The following SORCS1 variants were observed in gnomAD, a reference collection of about 807,000 sequenced individuals.
The protein encoded by SORCS1 is sortilin related VPS10 domain containing receptor 1.
Under a neutral mutation model 146.1 loss-of-function variants are expected in SORCS1, and 60 were observed. That is an observed-to-expected ratio of 0.41 (90% CI 0.33 to 0.51). The LOEUF is 0.51. Among genes scored for constraint, SORCS1 ranks in the 20% least tolerant of loss-of-function variants. SORCS1 has a pLI of 0.21. For missense variants in SORCS1, 1,352 were observed against 1,487.6 expected, an observed-to-expected ratio of 0.91 and a Z score of 1.50; for synonymous variants, 637 against 584.0, an observed-to-expected ratio of 1.09 and a Z score of -1.31.
intron 2 of SORCS1, among the ~76,000 whole-genome samples, chr10:106,842,774 C>T (rs981565410): frequency 3.3e-5 from 5 of 151,102 alleles, no homozygotes; most frequent in Admixed American, 6.6e-5. Context: ...TCACCATGCC[C>T]GGCTAATTTT....
intron 1 of SORCS1, among the ~76,000 whole-genome samples, chr10:107,025,412 C>T (rs1031505584): frequency 2.0e-5 from 3 of 152,134 alleles, no homozygotes; most frequent in African/African-American, 4.8e-5. Context: ...ATGGATAGTG[C>T]CTCTCTTTTG....
intron 6 of SORCS1, among the ~76,000 whole-genome samples, chr10:106,711,055 G>A (rs768522729): frequency 6.6e-5 from 10 of 151,982 alleles, no homozygotes; most frequent in African/African-American, 1.2e-4. Flanking sequence ...TTACTGAGCC[G>A]TGCTCCCATT....
At chr10:107,056,308 A>C (rs1302747486) in intron 1 of SORCS1, among the ~76,000 whole-genome samples, 3 of 152,204 alleles carry the variant, frequency 2.0e-5, no homozygotes, top group Non-Finnish European at 4.4e-5. Context: ...CAAGTCATTT[A>C]CTGAACTCTG....
chr10:106,715,385 A>C (rs1855289948), intron 6 of SORCS1, among the ~76,000 whole-genome samples: 1 of 152,222 alleles, frequency 6.6e-6, no homozygotes, highest in Admixed American at 6.5e-5. Flanking sequence ...TGCTTAGAAT[A>C]ATGCAATCCC....
At chr10:106,815,834 G>A (rs1947715096) in intron 3 of SORCS1, among the ~76,000 whole-genome samples, 1 of 152,228 alleles carries the variant, frequency 6.6e-6, no homozygotes, top group East Asian at 1.9e-4. Context: ...GCATGTGGTT[G>A]TTAGCACTAA....
intron 2 of SORCS1, among the ~76,000 whole-genome samples, chr10:106,923,763 A>T (rs932648953): frequency 6.6e-6 from 1 of 152,192 alleles, no homozygotes; most frequent in Non-Finnish European, 1.5e-5. Context: ...TTCTTCGGCC[A>T]GTTATCTGTT....
At chr10:106,879,368 T>C (rs1019071023) in intron 2 of SORCS1, among the ~76,000 whole-genome samples, 3 of 152,204 alleles carry the variant, frequency 2.0e-5, no homozygotes, top group African/African-American at 7.2e-5. Context: ...ATTCAGTTAT[T>C]ATATATTACA....
chr10:106,750,724 C>G (rs1441057576), intron 5 of SORCS1, among the ~76,000 whole-genome samples: 912 of 36,366 alleles, frequency 0.025, no homozygotes, highest in Middle Eastern at 0.08. Context: ...GTGAGACTCC[C>G]TCTCAAAAAA....
At chr10:106,833,460 G>C (rs141839622) in intron 2 of SORCS1, among the ~76,000 whole-genome samples, 252 of 152,276 alleles carry the variant, frequency 1.7e-3, no homozygotes, top group Admixed American at 4.2e-3. Flanking sequence ...GGCGTACATT[G>C]GTATGGTGGT....
At position 107,019,385 on chromosome 10, in the gene SORCS1, C is replaced by G. The variant is rs529005607; in HGVS notation, c.559-62805G>C. ...ACCATGTACTCTGGCTCAGCATAGTCCCTATCATTCATTTTTATTGACAGA... is the reference window on the plus strand; with the variant it reads ...ACCATGTACTCTGGCTCAGCATAGTGCCTATCATTCATTTTTATTGACAGA... On this transcript the variant is annotated intron_variant, in intron 1 of 25. Transcript: ENST00000263054. 1.9e-4 allele frequency among the ~76,000 whole-genome samples: 29 copies of G among 152,146 alleles called. 1 individual carries two copies. Among genetic ancestry groups the G allele is most frequent in the Admixed American group, 1.6e-3 (24 of 15,264 alleles).
intron 1 of SORCS1, among the ~76,000 whole-genome samples, chr10:107,118,247 G>A (rs1318619678): frequency 6.6e-6 from 1 of 152,106 alleles, no homozygotes; most frequent in Non-Finnish European, 1.5e-5. Context: ...GTGGGCTCTC[G>A]TCAGACACCA....
chr10:106,763,530 G>C (rs999133776), intron 4 of SORCS1, among the ~76,000 whole-genome samples: 2 of 152,092 alleles, frequency 1.3e-5, no homozygotes, highest in Non-Finnish European at 2.9e-5. Context: ...GGTAACTTTC[G>C]GTCCTGGTGG....
At chr10:106,863,814 TAAAA>T (rs1223246386) in intron 2 of SORCS1, among the ~76,000 whole-genome samples, 1 of 136,050 alleles carries the variant, frequency 7.4e-6, no homozygotes, top group South Asian at 2.4e-4. Context: ...AGATTTTCCT[TAAAA>T]AAAAAAAAAA....
chr10:106,635,010 AC>A (rs2133618917), intron 18 of SORCS1, among the ~76,000 whole-genome samples: 1 of 152,314 alleles, frequency 6.6e-6, no homozygotes, highest in Admixed American at 6.5e-5. Context: ...AAGGCACAAA[AC>A]CCACATGAAA....
chr10:106,836,440 A>C (rs945240456), intron 2 of SORCS1, among the ~76,000 whole-genome samples: 1 of 141,264 alleles, frequency 7.1e-6, no homozygotes, highest in African/African-American at 2.6e-5. Flanking sequence ...GCGCCACTGC[A>C]CTCCAGCCTG....
intron 4 of SORCS1, 41 bp from the exon 5 acceptor site, chr10:106,761,702 T>TGCTG: frequency 6.7e-7 from 1 of 1,499,278 alleles, no homozygotes; most frequent in Non-Finnish European, 9.3e-7. Flanking sequence ...GGTTCTATAG[T>TGCTG]ACATCAAATA....
At position 107,153,463 on chromosome 10, in the gene SORCS1, A is replaced by G. The variant is rs533262293; in HGVS notation, c.558+10506T>C. 3.7e-4 allele frequency among the ~76,000 whole-genome samples: 57 copies of G among 152,306 alleles called. No individual in the cohort carries two copies. In the South Asian group the frequency reaches 8.1e-3, roughly 22 times the overall value. Reference sequence around the variant, plus strand: ...AAACATATATTGTTTAACTGGGTGAATGGAGGTCACTGGAATTTCTGGGAT... The same window carrying G: ...AAACATATATTGTTTAACTGGGTGAGTGGAGGTCACTGGAATTTCTGGGAT... On this transcript the variant is annotated intron_variant, in intron 1 of 25. Transcript: ENST00000263054.
intron 2 of SORCS1, among the ~76,000 whole-genome samples, chr10:106,924,754 A>C (rs1457724314): frequency 8.4e-6 from 1 of 119,588 alleles, no homozygotes; most frequent in Admixed American, 1.1e-4. Flanking sequence ...TTTTACATTT[A>C]ACTGCATGGA....
intron 2 of SORCS1, among the ~76,000 whole-genome samples, chr10:106,840,952 T>A (rs1367787951): frequency 6.6e-6 from 1 of 150,416 alleles, no homozygotes; most frequent in Non-Finnish European, 1.5e-5. Flanking sequence ...ACCTCCCAGG[T>A]TCAAGTGATT....
Sources: allele counts gnomAD v4.1 joint callset (sites outside exome capture counted in the v4.1 genomes callset), GRCh38; gene constraint gnomAD v4.1.1; transcripts MANE v1.5; gene names NCBI Gene and HGNC (gene_info 2026-07-23, HGNC 2026-07-21).